The following PABPC4L variants were observed in gnomAD, a reference collection of about 807,000 sequenced individuals.
The protein encoded by PABPC4L is poly(A) binding protein cytoplasmic 4 like.
For missense variants in PABPC4L, 452 were observed against 451.4 expected (o/e 1.00, Z -0.01); for synonymous variants, 169 against 164.1 (o/e 1.03, Z -0.23).
chr4:134,021,164 C>T, the PABPC4L span, among the ~76,000 whole-genome samples: 2 of 152,114 alleles, frequency 1.3e-5, no homozygotes, highest in Non-Finnish European at 2.9e-5. Flanking sequence ...ACATGAACAA[C>T]ATCACATATC....
the PABPC4L span, among the ~76,000 whole-genome samples, chr4:134,065,960 C>T: frequency 6.6e-6 from 1 of 152,050 alleles, no homozygotes; most frequent in Non-Finnish European, 1.5e-5. Context: ...TACTCTGTTC[C>T]ATTGGTCTAT....
chr4:134,195,909 C>T (rs1729641234), downstream of PABPC4L, among the ~76,000 whole-genome samples: 2 of 151,402 alleles, frequency 1.3e-5, no homozygotes, highest in Non-Finnish European at 3.0e-5. Flanking sequence ...TCAAAAGTAT[C>T]GTGAGGGTAT....
the PABPC4L span, among the ~76,000 whole-genome samples, chr4:134,021,397 T>C: frequency 1.3e-5 from 2 of 152,126 alleles, no homozygotes; most frequent in Admixed American, 1.3e-4. Flanking sequence ...AGGTCAAAAG[T>C]TGCCCTGTGA....
At chr4:134,103,753 T>C in the PABPC4L span, among the ~76,000 whole-genome samples, 1 of 151,764 alleles carries the variant, frequency 6.6e-6, no homozygotes, top group Non-Finnish European at 1.5e-5. Context: ...CTTTAAGAAA[T>C]ATATTCCAAT....
chr4:134,108,067 T>A, the PABPC4L span, among the ~76,000 whole-genome samples: 2 of 151,574 alleles, frequency 1.3e-5, no homozygotes, highest in Non-Finnish European at 3.0e-5. Context: ...CATTAAAAAG[T>A]AAATAATAAT....
the PABPC4L span, among the ~76,000 whole-genome samples, chr4:134,159,738 G>A: frequency 6.6e-6 from 1 of 152,048 alleles, no homozygotes; most frequent in African/African-American, 2.4e-5. Flanking sequence ...GGCAAGCCCT[G>A]GTGTTGCACT....
chr4:134,078,964 G>A, the PABPC4L span, among the ~76,000 whole-genome samples: 4 of 132,462 alleles, frequency 3.0e-5, no homozygotes, highest in East Asian at 2.2e-4. Context: ...CACCGTGCCC[G>A]GGCTTTTTTT....
At chr4:134,191,136 T>C in the PABPC4L span, among the ~76,000 whole-genome samples, 1 of 152,196 alleles carries the variant, frequency 6.6e-6, no homozygotes, top group African/African-American at 2.4e-5. Context: ...GGCTTATTAT[T>C]GGGTATATAG....
the PABPC4L span, among the ~76,000 whole-genome samples, chr4:133,948,733 C>A: frequency 1.3e-5 from 2 of 152,178 alleles, no homozygotes; most frequent in Non-Finnish European, 2.9e-5. Flanking sequence ...CCACCTGTGC[C>A]TGAGGCCTCT....
the PABPC4L span, among the ~76,000 whole-genome samples, chr4:134,138,795 G>C: frequency 2.0e-5 from 3 of 151,680 alleles, no homozygotes; most frequent in Non-Finnish European, 4.4e-5. Context: ...GCCCTTTGAA[G>C]AGCTGTAACT....
the PABPC4L span, among the ~76,000 whole-genome samples, chr4:134,062,810 A>C: frequency 6.6e-6 from 1 of 152,146 alleles, no homozygotes; most frequent in Non-Finnish European, 1.5e-5. Flanking sequence ...TTCATTAATA[A>C]AAACAAAAGT....
chr4:134,066,248 T>C, the PABPC4L span, among the ~76,000 whole-genome samples: 1 of 152,142 alleles, frequency 6.6e-6, no homozygotes, highest in Non-Finnish European at 1.5e-5. Context: ...ATTCTCATTG[T>C]AGACATATTT....
chr4:134,073,497 T>C, the PABPC4L span, among the ~76,000 whole-genome samples: 108,685 of 152,018 alleles, frequency 0.71, 39,407 homozygotes, highest in East Asian at 0.95. Context: ...GGCTTTTCCA[T>C]GTGCACAGTG....
At chr4:134,017,371 AC>A in the PABPC4L span, among the ~76,000 whole-genome samples, 2 of 152,094 alleles carry the variant, frequency 1.3e-5, 1 homozygote, top group Non-Finnish European at 2.9e-5. Flanking sequence ...CTCATTCCAG[AC>A]ACCAGACCAA....
chr4:133,971,728 A>G, the PABPC4L span, among the ~76,000 whole-genome samples: 36 of 152,098 alleles, frequency 2.4e-4, no homozygotes, highest in African/African-American at 7.5e-4. Flanking sequence ...TGTTTTTAGC[A>G]TGTACCATTC....
the PABPC4L span, among the ~76,000 whole-genome samples, chr4:134,079,051 A>T: frequency 7.0e-6 from 1 of 142,464 alleles, no homozygotes; most frequent in African/African-American, 2.7e-5. Flanking sequence ...GGTTCACTGC[A>T]ACCTTCGCCT....
At chr4:133,950,348 A>G in the PABPC4L span, among the ~76,000 whole-genome samples, 1 of 152,072 alleles carries the variant, frequency 6.6e-6, no homozygotes, top group African/African-American at 2.4e-5. Flanking sequence ...ATTTACTTCC[A>G]TGTTTTGAAA....
the PABPC4L span, among the ~76,000 whole-genome samples, chr4:133,954,755 G>T: frequency 4.6e-5 from 7 of 152,106 alleles, no homozygotes; most frequent in East Asian, 1.3e-3. Flanking sequence ...CATATAAATA[G>T]ATGCTGTATG....
the PABPC4L span, among the ~76,000 whole-genome samples, chr4:133,994,923 C>A: frequency 5.9e-5 from 9 of 152,170 alleles, no homozygotes; most frequent in Non-Finnish European, 1.0e-4. Flanking sequence ...TTCCCAGAGG[C>A]AGTGGGCCCC....
Sources: allele counts gnomAD v4.1 joint callset (sites outside exome capture counted in the v4.1 genomes callset), GRCh38; gene constraint gnomAD v4.1.1; transcripts MANE v1.5; gene names NCBI Gene and HGNC (gene_info 2026-07-23, HGNC 2026-07-21).